MLLT3: variants seen among roughly 807,000 people sequenced by gnomAD.
MLLT3 encodes the protein protein AF-9.
MLLT3 carries 4 observed loss-of-function variants against 53.2 expected under a neutral mutation model. That is an observed-to-expected ratio of 0.08 (90% CI 0.04 to 0.17). The LOEUF is 0.17. Ranked by LOEUF, MLLT3 falls within the 10% of genes least tolerant of loss-of-function variation. The probability of loss-of-function intolerance (pLI) is 1.00; values close to 1 mark genes in which losing one functional copy is unlikely to be tolerated. For synonymous variants in MLLT3, 283 were observed against 230.6 expected (o/e 1.23, Z -2.06); for missense variants, 569 against 684.0 (o/e 0.83, Z 1.87).
chr9:20,480,929 C>A (rs543828848), intron 2 of MLLT3, among the ~76,000 whole-genome samples: 1 of 152,140 alleles, frequency 6.6e-6, no homozygotes, highest in Admixed American at 6.5e-5. Context: ...GAATAAAAGG[C>A]AAACCTATAA....
At chr9:20,539,306 T>C (rs1488693017) in intron 2 of MLLT3, among the ~76,000 whole-genome samples, 1 of 152,242 alleles carries the variant, frequency 6.6e-6, no homozygotes, top group Non-Finnish European at 1.5e-5. Context: ...AAAACATTTG[T>C]TGTAATTTCA....
At position 20,362,706 on chromosome 9, in the gene MLLT3, C is replaced by CTTTTTTT. The variant is rs989895694; in HGVS notation, c.1331+763_1331+769dup. On this transcript the variant is annotated intron_variant, in intron 7 of 10. Coordinates refer to ENST00000380338, the MANE Select transcript of MLLT3 (RefSeq NM_004529.4). ...GTCTCTCCAGTTTGGGTTAAGACCG[C>CTTTTTTT]TTTTTTTTTTTTTTTTTTTTTTGAA... 5.9e-4 allele frequency: 59 copies of CTTTTTTT among 99,672 alleles called. 1 individual carries two copies. Among genetic ancestry groups the CTTTTTTT allele is most frequent in the African/African-American group, 1.9e-3 (49 of 25,304 alleles). The allele number at this position is 99,672 out of a possible 1,614,324, so 6.2% of individuals were successfully genotyped here.
At chr9:20,498,354 T>C (rs1357739915) in intron 2 of MLLT3, among the ~76,000 whole-genome samples, 2 of 151,622 alleles carry the variant, frequency 1.3e-5, no homozygotes, top group African/African-American at 4.8e-5. Flanking sequence ...AATACTCTTC[T>C]ATTGGTTTTA....
chr9:20,620,861 C>CGTGAATA lies in MLLT3; in HGVS notation c.13-34_13-28dup, dbSNP rs1563848163. ...TGCGGGCAGGGGGAGGAGAGACAGCCGTGAATAACAGGAAGGCGAGGTTTC... is the reference window on the plus strand; with the variant it reads ...TGCGGGCAGGGGGAGGAGAGACAGCCGTGAATAGTGAATAACAGGAAGGCGAGGTTTC... On this transcript the variant is annotated intron_variant, in intron 1 of 10. Coordinates refer to ENST00000380338, the MANE Select transcript of MLLT3 (RefSeq NM_004529.4). The surrounding 1 kb of genome is among the most constrained non-coding windows in gnomAD (Gnocchi z 6.1). 4 of 1,613,138 alleles carry CGTGAATA rather than the reference C, an allele frequency of 2.5e-6. No individual in the cohort carries two copies. The East Asian group carries it at 8.9e-5, about 36-fold the overall frequency.
At chr9:20,568,139 C>T (rs376537513) in intron 2 of MLLT3, among the ~76,000 whole-genome samples, 2 of 152,152 alleles carry the variant, frequency 1.3e-5, no homozygotes, top group African/African-American at 2.4e-5. Flanking sequence ...TTAAAAGCAT[C>T]CGCCACTGAG....
chr9:20,524,041 A>G (rs796570264), intron 2 of MLLT3, among the ~76,000 whole-genome samples: 6 of 151,442 alleles, frequency 4.0e-5, no homozygotes, highest in African/African-American at 1.5e-4. Flanking sequence ...AGTGGCAGGG[A>G]GAAGGGATGA....
intron 5 of MLLT3, among the ~76,000 whole-genome samples, chr9:20,406,358 C>T (rs1403958867): frequency 2.0e-5 from 3 of 152,202 alleles, no homozygotes; most frequent in Admixed American, 6.5e-5. Flanking sequence ...TGGACCACCT[C>T]ATGCAGTGAC....
At chr9:20,580,250 G>C (rs1819757506) in intron 2 of MLLT3, among the ~76,000 whole-genome samples, 1 of 151,956 alleles carries the variant, frequency 6.6e-6, no homozygotes, top group African/African-American at 2.4e-5. Flanking sequence ...AAAACAGAAA[G>C]GTTAAATCCC....
At position 20,607,975 on chromosome 9, in the gene MLLT3, T is replaced by C. The variant is rs1299007575; in HGVS notation, c.193+12679A>G. On this transcript the variant is annotated intron_variant, in intron 2 of 10. Transcript: ENST00000380338. ...TCTAGTTATTTTTGTAGCTTATATA[T>C]GAAATATTAATAAAATCATCTTAGT... Among the ~76,000 whole-genome samples, 2 of 151,980 alleles carry C rather than the reference T, an allele frequency of 1.3e-5. 1 individual carries two copies. Among genetic ancestry groups the C allele is most frequent in the African/African-American group, 4.8e-5 (2 of 41,434 alleles).
intron 5 of MLLT3, among the ~76,000 whole-genome samples, chr9:20,378,437 C>A (rs1176477488): frequency 6.6e-6 from 1 of 151,992 alleles, no homozygotes; most frequent in African/African-American, 2.4e-5. Flanking sequence ...TTATAACAAT[C>A]AAACTCAGAG....
At chr9:20,372,560 T>A (rs1821636451) in intron 5 of MLLT3, among the ~76,000 whole-genome samples, 1 of 134,112 alleles carries the variant, frequency 7.5e-6, no homozygotes, top group Non-Finnish European at 1.6e-5. Flanking sequence ...GCTAATTTTT[T>A]TTTTTTTTTT....
chr9:20,509,683 G>A (rs536512251), intron 2 of MLLT3, among the ~76,000 whole-genome samples: 14 of 152,302 alleles, frequency 9.2e-5, no homozygotes, highest in South Asian at 2.1e-4. Context: ...CTGCTGTAAC[G>A]TACATGGCAC....
At chr9:20,604,516 A>T (rs1820515558) in intron 2 of MLLT3, among the ~76,000 whole-genome samples, 2 of 152,098 alleles carry the variant, frequency 1.3e-5, no homozygotes, top group Admixed American at 1.3e-4. Context: ...TAATCATGTT[A>T]AAATTACTCA....
chr9:20,350,412 G>A (rs1481470620), intron 10 of MLLT3, among the ~76,000 whole-genome samples: 3 of 151,894 alleles, frequency 2.0e-5, no homozygotes, highest in Non-Finnish European at 4.4e-5. Flanking sequence ...CGGCTAAAAC[G>A]GTGAAACCCC....
intron 5 of MLLT3, chr9:20,382,334 T>C (rs1333850543): frequency 1.3e-5 from 2 of 151,874 alleles, no homozygotes; most frequent in Admixed American, 1.3e-4. Context: ...TACATATAGT[T>C]TATCTTTAAA....
At chr9:20,570,850 C>T (rs1819514687) in intron 2 of MLLT3, among the ~76,000 whole-genome samples, 1 of 151,714 alleles carries the variant, frequency 6.6e-6, no homozygotes, top group Non-Finnish European at 1.5e-5. Context: ...ACTCTAACTT[C>T]CCACTTAGAA....
At chr9:20,496,481 G>T (rs1308717627) in intron 2 of MLLT3, among the ~76,000 whole-genome samples, 1 of 152,012 alleles carries the variant, frequency 6.6e-6, no homozygotes, top group Non-Finnish European at 1.5e-5. Flanking sequence ...TTCTATATTT[G>T]TTTAGCATAA....
At chr9:20,421,482 T>C (rs949450800) in intron 4 of MLLT3, among the ~76,000 whole-genome samples, 2 of 151,994 alleles carry the variant, frequency 1.3e-5, no homozygotes, top group Admixed American at 1.3e-4. Context: ...TTTGAGAAAC[T>C]GGGAAAAGAT....
chr9:20,472,087 G>A (rs771208232), intron 2 of MLLT3, among the ~76,000 whole-genome samples: 11 of 151,966 alleles, frequency 7.2e-5, no homozygotes, highest in Non-Finnish European at 1.5e-4. Context: ...ATCTCTCCAT[G>A]GCTTTAATTC....
Sources: gnomAD v4.1 joint callset for allele counts (sites outside exome capture counted in the v4.1 genomes callset) on GRCh38, gnomAD v4.1.1 for gene constraint, Gnocchi (gnomAD v3.1) non-coding constraint, MANE v1.5 for transcripts, NCBI Gene and HGNC (gene_info 2026-07-23, HGNC 2026-07-21) for gene names.